The following PTPRD variants were observed in gnomAD, a reference collection of about 807,000 sequenced individuals.
PTPRD encodes protein tyrosine phosphatase receptor type D, also known as receptor-type tyrosine-protein phosphatase delta.
A neutral mutation model predicts 214.5 loss-of-function variants in PTPRD; 34 were observed. The observed-to-expected ratio is 0.16, with a 90% CI of 0.12 to 0.21. The LOEUF is 0.21. PTPRD is among the 10% of genes least tolerant of loss of function. The pLI, the probability that PTPRD is intolerant of heterozygous loss-of-function variation, is 1.00. For missense variants in PTPRD, 2,545 were observed against 2,398.7 expected (o/e 1.06, Z -1.27); for synonymous variants, 1,128 against 845.7 (o/e 1.33, Z -5.79).
At chr9:10,511,634 T>A (rs1198116892) in intron 2 of PTPRD, among the ~76,000 whole-genome samples, 2 of 149,420 alleles carry the variant, frequency 1.3e-5, no homozygotes, top group African/African-American at 5.0e-5. Flanking sequence ...CAGGCTGGTC[T>A]TGAACTCCTG....
intron 9 of PTPRD, among the ~76,000 whole-genome samples, chr9:9,206,601 A>G (rs1312848805): frequency 6.6e-6 from 1 of 152,214 alleles, no homozygotes; most frequent in Non-Finnish European, 1.5e-5. Context: ...ATCAGCTGCC[A>G]GCCAGTGTGG....
chr9:9,984,975 C>A (rs928245808), intron 4 of PTPRD, among the ~76,000 whole-genome samples: 1 of 152,146 alleles, frequency 6.6e-6, no homozygotes, highest in African/African-American at 2.4e-5. Context: ...ACATCATGCT[C>A]ACTATAAAGG....
chr9:10,497,884 T>C (rs745390797), intron 2 of PTPRD, among the ~76,000 whole-genome samples: 1 of 152,032 alleles, frequency 6.6e-6, no homozygotes, highest in Non-Finnish European at 1.5e-5. Context: ...GTAAACAAAA[T>C]ATTTAAAAAT....
chr9:9,670,927 C>A (rs539209625), intron 7 of PTPRD, among the ~76,000 whole-genome samples: 1 of 152,014 alleles, frequency 6.6e-6, no homozygotes, highest in South Asian at 2.1e-4. Flanking sequence ...GTTGGAGATC[C>A]CCACAGAGTC....
At chr9:8,569,363 T>C (rs2090427819) in intron 14 of PTPRD, among the ~76,000 whole-genome samples, 1 of 152,136 alleles carries the variant, frequency 6.6e-6, no homozygotes, top group Non-Finnish European at 1.5e-5. Flanking sequence ...AAATTATGAA[T>C]GCAGAAATTA....
intron 8 of PTPRD, among the ~76,000 whole-genome samples, chr9:9,514,600 A>AT (rs1408540927): frequency 6.6e-6 from 1 of 152,056 alleles, no homozygotes; most frequent in African/African-American, 2.4e-5. Flanking sequence ...CTTATACTCC[A>AT]TTTTTAGAAG....
At chr9:9,013,819 G>A (rs139037276) in intron 11 of PTPRD, among the ~76,000 whole-genome samples, 2 of 152,096 alleles carry the variant, frequency 1.3e-5, no homozygotes, top group South Asian at 4.1e-4. Context: ...TTAATCCTTG[G>A]AGTCCCACTA....
At position 9,041,329 on chromosome 9, in the gene PTPRD, C is replaced by A. The variant is rs542543042; in HGVS notation, c.-142-22594G>T. ...TGTCACTCAGGTATTAAGCCTAGTA[C>A]CCATTAGTTATTTTTCCTGATCCTC... On this transcript the variant is annotated intron_variant, in intron 10 of 45. Transcript: ENST00000381196. Among the ~76,000 whole-genome samples, 5 of 152,048 alleles carry A rather than the reference C, an allele frequency of 3.3e-5. No homozygotes were observed. In the South Asian group the frequency reaches 8.3e-4, roughly 25 times the overall value.
intron 11 of PTPRD, among the ~76,000 whole-genome samples, chr9:8,894,001 G>C (rs1378001078): frequency 6.6e-6 from 1 of 151,994 alleles, no homozygotes; most frequent in Non-Finnish European, 1.5e-5. Context: ...CTCTCACATT[G>C]TATTTTGTAA....
At chr9:10,493,823 TAC>T (rs1406090861) in intron 2 of PTPRD, among the ~76,000 whole-genome samples, 1 of 152,008 alleles carries the variant, frequency 6.6e-6, no homozygotes, top group Non-Finnish European at 1.5e-5. Context: ...AAGTGTGCCA[TAC>T]ACACACAAAT....
chr9:9,716,913 G>T (rs1196386378), intron 7 of PTPRD, among the ~76,000 whole-genome samples: 1 of 152,134 alleles, frequency 6.6e-6, no homozygotes, highest in Non-Finnish European at 1.5e-5. Context: ...TTTTAGACAT[G>T]AAGTCCTTGC....
chr9:10,399,991 A>C (rs1464840950), intron 2 of PTPRD, among the ~76,000 whole-genome samples: 1 of 151,992 alleles, frequency 6.6e-6, no homozygotes, highest in South Asian at 2.1e-4. Context: ...GAGTAACATC[A>C]GATTTTTATT....
At chr9:8,490,522 A>G (rs893312810) in intron 27 of PTPRD, among the ~76,000 whole-genome samples, 1 of 152,230 alleles carries the variant, frequency 6.6e-6, no homozygotes, top group Non-Finnish European at 1.5e-5. Context: ...CCTTAAACAT[A>G]GCTGTTCAAT....
intron 3 of PTPRD, among the ~76,000 whole-genome samples, chr9:10,209,651 A>G (rs1175771184): frequency 6.6e-6 from 1 of 151,616 alleles, no homozygotes; most frequent in Non-Finnish European, 1.5e-5. Context: ...TTTGGATTTT[A>G]TTGTGCATTG....
chr9:8,538,028 C>T (rs1293316564), intron 14 of PTPRD, among the ~76,000 whole-genome samples: 1 of 152,068 alleles, frequency 6.6e-6, no homozygotes, highest in South Asian at 2.1e-4. Flanking sequence ...TACCTAGTAA[C>T]ACTATTAATA....
chr9:9,140,673 G>A (rs1361728798), intron 10 of PTPRD, among the ~76,000 whole-genome samples: 2 of 152,222 alleles, frequency 1.3e-5, no homozygotes, highest in African/African-American at 2.4e-5. Flanking sequence ...TCGCCTCCCG[G>A]GTTCACGCCA....
At chr9:9,931,641 G>A (rs2086627522) in intron 5 of PTPRD, among the ~76,000 whole-genome samples, 1 of 151,386 alleles carries the variant, frequency 6.6e-6, no homozygotes, top group Non-Finnish European at 1.5e-5. Flanking sequence ...ACGGCAACGA[G>A]GCTGGGGGAG....
chr9:9,255,905 T>C (rs1350573475), intron 9 of PTPRD, among the ~76,000 whole-genome samples: 4 of 152,062 alleles, frequency 2.6e-5, no homozygotes, highest in African/African-American at 7.2e-5. Context: ...AAACCTCTGA[T>C]TCAAAGACCT....
intron 14 of PTPRD, among the ~76,000 whole-genome samples, chr9:8,605,744 T>G (rs2095169721): frequency 6.6e-6 from 1 of 152,244 alleles, no homozygotes; most frequent in African/African-American, 2.4e-5. Context: ...CTCATGCCAT[T>G]ACCTTGTGCT....
Sources: gnomAD v4.1 joint callset for allele counts (sites outside exome capture counted in the v4.1 genomes callset) on GRCh38, gnomAD v4.1.1 for gene constraint, MANE v1.5 for transcripts, NCBI Gene and HGNC (gene_info 2026-07-23, HGNC 2026-07-21) for gene names.